The following RANBP2 variants were observed in gnomAD, a reference collection of about 807,000 sequenced individuals.
RANBP2 encodes the protein RAN binding protein 2.
A neutral mutation model predicts 303.6 loss-of-function variants in RANBP2; 57 were observed. The observed-to-expected ratio is 0.19, with a 90% CI of 0.15 to 0.23. The LOEUF is 0.23. Ranked by LOEUF, RANBP2 falls within the 10% of genes least tolerant of loss-of-function variation. RANBP2 has a pLI of 1.00. For synonymous variants in RANBP2, 1,167 were observed against 1,301.5 expected, an observed-to-expected ratio of 0.90 and a Z score of 2.23; for missense variants, 3,138 against 3,780.8, an observed-to-expected ratio of 0.83 and a Z score of 4.46.
chr2:108,829,114 A>C, the RANBP2 span, among the ~76,000 whole-genome samples: 1 of 152,220 alleles, frequency 6.6e-6, no homozygotes, highest in African/African-American at 2.4e-5. Flanking sequence ...AGACATCAAA[A>C]GCACAAGCAA....
chr2:108,898,996 T>C, the RANBP2 span, among the ~76,000 whole-genome samples: 2 of 152,196 alleles, frequency 1.3e-5, no homozygotes, highest in Non-Finnish European at 2.9e-5. Flanking sequence ...AGAGTGGGAC[T>C]AAATAAATAC....
At chr2:108,816,580 G>C in the RANBP2 span, among the ~76,000 whole-genome samples, 3 of 152,100 alleles carry the variant, frequency 2.0e-5, no homozygotes, top group Non-Finnish European at 4.4e-5. Flanking sequence ...GCTGAGGTCT[G>C]TCTCCCTTTT....
At chr2:109,278,677 A>T in the RANBP2 span, among the ~76,000 whole-genome samples, 1 of 152,302 alleles carries the variant, frequency 6.6e-6, no homozygotes, top group African/African-American at 2.4e-5. Flanking sequence ...AGGTCTGCTG[A>T]ATTTTACCTT....
At chr2:108,737,213 T>C (rs1695659239) in intron 6 of RANBP2, among the ~76,000 whole-genome samples, 2 of 152,262 alleles carry the variant, frequency 1.3e-5, no homozygotes, top group South Asian at 2.1e-4. Context: ...TTAGAAAACA[T>C]GTAGGATGTT....
chr2:109,248,937 G>C, the RANBP2 span, among the ~76,000 whole-genome samples: 1 of 148,832 alleles, frequency 6.7e-6, no homozygotes, highest in South Asian at 2.1e-4. Context: ...GTCCTGTCTT[G>C]CTCTGTCACC....
the RANBP2 span, among the ~76,000 whole-genome samples, chr2:109,341,082 TTTCATCAATTC>T: frequency 6.6e-6 from 1 of 152,188 alleles, no homozygotes; most frequent in African/African-American, 2.4e-5. Context: ...CTTTGTCTTA[TTTCATCAATTC>T]TTCATCAATT....
At chr2:109,260,492 G>T in the RANBP2 span, among the ~76,000 whole-genome samples, 1 of 152,234 alleles carries the variant, frequency 6.6e-6, no homozygotes, top group Non-Finnish European at 1.5e-5. Flanking sequence ...TTTAATTCCA[G>T]TTCCATACTT....
chr2:109,029,045 A>G, the RANBP2 span, among the ~76,000 whole-genome samples: 1 of 152,064 alleles, frequency 6.6e-6, no homozygotes, highest in Non-Finnish European at 1.5e-5. Flanking sequence ...TCAGCCTCCT[A>G]AAGTGCTGGG....
the RANBP2 span, among the ~76,000 whole-genome samples, chr2:109,760,121 T>TA: frequency 1.5e-5 from 2 of 134,960 alleles, no homozygotes; most frequent in African/African-American, 2.8e-5. Flanking sequence ...ATAGTGACTA[T>TA]ATAAGTGAAT....
the RANBP2 span, among the ~76,000 whole-genome samples, chr2:109,651,916 G>A: frequency 6.6e-6 from 1 of 152,160 alleles, no homozygotes; most frequent in African/African-American, 2.4e-5. Flanking sequence ...CCCTAGCAAT[G>A]AGATGAAGGT....
At chr2:109,545,579 G>A in the RANBP2 span, 1 of 1,534,332 alleles carries the variant, frequency 6.5e-7, no homozygotes. Flanking sequence ...ATCAGTATCA[G>A]TAGAATTTGT....
chr2:109,646,964 T>A, the RANBP2 span, among the ~76,000 whole-genome samples: 1 of 152,100 alleles, frequency 6.6e-6, no homozygotes, highest in Admixed American at 6.6e-5. Context: ...ATTTTCAGTA[T>A]TTTTTCACTA....
At chr2:109,415,337 A>G in the RANBP2 span, among the ~76,000 whole-genome samples, 1 of 152,238 alleles carries the variant, frequency 6.6e-6, no homozygotes, top group African/African-American at 2.4e-5. Flanking sequence ...AATAATAAGC[A>G]GGCTGCCTGA....
the RANBP2 span, among the ~76,000 whole-genome samples, chr2:109,033,499 A>C: frequency 6.6e-6 from 1 of 152,204 alleles, no homozygotes; most frequent in Non-Finnish European, 1.5e-5. Flanking sequence ...CCCAGTCTCA[A>C]ATCCATCTCC....
At chr2:108,875,870 A>T in the RANBP2 span, among the ~76,000 whole-genome samples, 2 of 152,102 alleles carry the variant, frequency 1.3e-5, no homozygotes, top group Admixed American at 6.5e-5. Flanking sequence ...AAGAAAAAAA[A>T]GTTTTCTTTT....
At chr2:109,555,529 A>G in the RANBP2 span, among the ~76,000 whole-genome samples, 6 of 152,332 alleles carry the variant, frequency 3.9e-5, no homozygotes, top group East Asian at 1.9e-4. Context: ...ACTGGAGGCT[A>G]TATTAGTAAA....
chr2:109,553,060 C>T, the RANBP2 span: 1 of 1,598,586 alleles, frequency 6.3e-7, no homozygotes. Flanking sequence ...AAAATAAATG[C>T]AAATCACATC....
intron 1 of RANBP2, chr2:108,719,958 G>T: frequency 2.0e-6 from 2 of 985,322 alleles, no homozygotes; most frequent in Non-Finnish European, 2.4e-6. Flanking sequence ...GGCCGCCCTG[G>T]CCCGGGCTTT....
chr2:109,417,563 C>T, the RANBP2 span, among the ~76,000 whole-genome samples: 1 of 152,172 alleles, frequency 6.6e-6, no homozygotes, highest in Admixed American at 6.5e-5. Flanking sequence ...GCACAGGACC[C>T]CGACAGCCTC....
Sources: gnomAD v4.1 joint callset for allele counts (sites outside exome capture counted in the v4.1 genomes callset) on GRCh38, gnomAD v4.1.1 for gene constraint, MANE v1.5 for transcripts, NCBI Gene and HGNC (gene_info 2026-07-23, HGNC 2026-07-21) for gene names.